RTN4RL1: variants seen among roughly 807,000 people sequenced by gnomAD.
The protein encoded by RTN4RL1 is reticulon 4 receptor like 1.
Under a neutral mutation model 25.6 loss-of-function variants are expected in RTN4RL1, and 7 were observed. That is an observed-to-expected ratio of 0.27 (90% CI 0.16 to 0.51). The LOEUF (loss-of-function observed/expected upper bound fraction) is 0.51, where lower values mean the gene tolerates loss of function less well. RTN4RL1 is among the 20% of genes least tolerant of loss of function. The probability of loss-of-function intolerance (pLI) is 0.97; values close to 1 mark genes in which losing one functional copy is unlikely to be tolerated. For missense variants in RTN4RL1, 500 were observed against 615.6 expected (o/e 0.81, Z 1.99); for synonymous variants, 297 against 288.2 (o/e 1.03, Z -0.31).
chr17:1,976,007 A>G lies in RTN4RL1; in HGVS notation c.14-38199T>C, dbSNP rs180830370. Among the ~76,000 whole-genome samples, 372 of 152,270 alleles carry G rather than the reference A, an allele frequency of 2.4e-3. 3 individuals carry two copies. Among genetic ancestry groups the G allele is most frequent in the African/African-American group, 8.6e-3 (358 of 41,548 alleles). On this transcript the variant is annotated intron_variant, in intron 1 of 1. Transcript: ENST00000331238. Reference sequence around the variant, plus strand: ...CAGGTCTTTAAGGCAATTTTCTTGAACTCTATTCAGCACTCACTCAAAATG... The same window carrying G: ...CAGGTCTTTAAGGCAATTTTCTTGAGCTCTATTCAGCACTCACTCAAAATG...
chr17:1,962,674 G>A (rs565912632), intron 1 of RTN4RL1, among the ~76,000 whole-genome samples: 3 of 151,954 alleles, frequency 2.0e-5, no homozygotes, highest in South Asian at 2.1e-4. Flanking sequence ...AGATCAGCCC[G>A]GCCAACATGG....
intron 1 of RTN4RL1, among the ~76,000 whole-genome samples, chr17:1,947,157 A>C (rs781525639): frequency 2.0e-5 from 3 of 148,128 alleles, no homozygotes; most frequent in Non-Finnish European, 4.4e-5. Context: ...CTGTGTATGC[A>C]CGGGGTCTGT....
At chr17:1,977,690 T>A (rs992440734) in intron 1 of RTN4RL1, among the ~76,000 whole-genome samples, 1 of 152,044 alleles carries the variant, frequency 6.6e-6, no homozygotes, top group Non-Finnish European at 1.5e-5. Flanking sequence ...GTCATCCGTC[T>A]CCAACTTCTG....
rs11652394 is a variant in RTN4RL1, at chr17:1,937,490, C to G, written c.332G>C (p.Arg111Pro). ...CTCGGGTGCCAGCGTCCGCAGCTGC[C>G]GGTTGTCGCCGAGGTCCAGCTCCTC... The part of the protein sequence containing the change: ...HLEELDLGDN[R>P]QLRTLAPETF... The change falls in exon 2 of 2, where the codon CGG becomes CCG. Residue 111 changes from arginine to proline, a missense_variant. Coordinates refer to ENST00000331238, the MANE Select transcript of RTN4RL1 (RefSeq NM_178568.4). 1 of 1,613,922 alleles carries G rather than the reference C, an allele frequency of 6.2e-7. No individual in the cohort carries two copies. Among genetic ancestry groups the G allele is most frequent in the Non-Finnish European group, 8.5e-7 (1 of 1,179,872 alleles).
intron 1 of RTN4RL1, among the ~76,000 whole-genome samples, chr17:1,982,083 TGAG>T (rs900288298): frequency 1.4e-5 from 2 of 142,880 alleles, no homozygotes; most frequent in Non-Finnish European, 3.1e-5. Context: ...GTGGATCACC[TGAG>T]GTCAGGAGTT....
intron 1 of RTN4RL1, among the ~76,000 whole-genome samples, chr17:1,940,150 T>C (rs532957353): frequency 1.6e-4 from 25 of 152,380 alleles, no homozygotes; most frequent in East Asian, 1.9e-4. Context: ...TTGGGAGTTA[T>C]GGGCTCCCAG....
intron 1 of RTN4RL1, among the ~76,000 whole-genome samples, chr17:1,963,250 A>C (rs2066774104): frequency 6.6e-6 from 1 of 152,212 alleles, no homozygotes; most frequent in Non-Finnish European, 1.5e-5. Context: ...CTCTGGGCGT[A>C]GAGCTGTCTG....
At position 1,935,240 on chromosome 17, in the gene RTN4RL1, C is replaced by T. The variant is rs1308608389; in HGVS notation, c.*1256G>A. 1.3e-5 allele frequency: 2 copies of T among 153,258 alleles called. No homozygotes were observed. The highest frequency in any genetic ancestry group is 2.4e-5 in the African/African-American group (1 of 41,446). The allele number at this position is 153,258 out of a possible 1,614,324, so 9.5% of individuals were successfully genotyped here. On this transcript the variant is annotated 3_prime_UTR_variant, in exon 2 of 2. Coordinates refer to ENST00000331238, the MANE Select transcript of RTN4RL1 (RefSeq NM_178568.4). ...GACTAACACTGTGGATGCTGCCTGG[C>T]CTGCTGGTTTCCAGATCCCAAAGCC...
Position 1,945,345 on chromosome 17 carries a change from C to CCTA in RTN4RL1, c.14-7538_14-7537insTAG, listed in dbSNP as rs57153021. On this transcript the variant is annotated intron_variant, in intron 1 of 1. Coordinates refer to ENST00000331238, the MANE Select transcript of RTN4RL1 (RefSeq NM_178568.4). ...TCAAGCGATTCTCTCGCCTCATCCTCCTGAGTAGTTGGGATTACAGGTGCC... is the reference window on the plus strand; with the variant it reads ...TCAAGCGATTCTCTCGCCTCATCCTCCTACTGAGTAGTTGGGATTACAGGTGCC... Among the ~76,000 whole-genome samples, 457 of 152,308 alleles carry CCTA rather than the reference C, an allele frequency of 3.0e-3. 5 individuals are homozygous for CCTA. Among genetic ancestry groups the CCTA allele is most frequent in the African/African-American group, 0.011 (438 of 41,560 alleles).
chr17:1,969,722 TTTGG>T (rs1334955083), intron 1 of RTN4RL1, among the ~76,000 whole-genome samples: 11 of 152,202 alleles, frequency 7.2e-5, no homozygotes, highest in Admixed American at 4.6e-4. Flanking sequence ...CCGGTTCTCA[TTTGG>T]TTGGTCATTT....
rs1033273116 is a variant in RTN4RL1, at chr17:1,936,313, C to A, written c.*183G>T. On this transcript the variant is annotated 3_prime_UTR_variant, in exon 2 of 2. Coordinates refer to ENST00000331238, the MANE Select transcript of RTN4RL1 (RefSeq NM_178568.4). Reference sequence around the variant, plus strand: ...GCTGAGAAGCGCCACCCCCTCCCGCCTAGGGCTGTACACTTTGGGTTTATA... The same window carrying A: ...GCTGAGAAGCGCCACCCCCTCCCGCATAGGGCTGTACACTTTGGGTTTATA... 9.2e-6 allele frequency: 13 copies of A among 1,408,918 alleles called. No individual in the cohort carries two copies. In the African/African-American group the frequency reaches 1.6e-4, roughly 18 times the overall value. The allele number at this position is 1,408,918 out of a possible 1,614,324, so 87.3% of individuals were successfully genotyped here.
intron 1 of RTN4RL1, among the ~76,000 whole-genome samples, chr17:1,982,456 CA>C (rs1210431030): frequency 1.3e-5 from 2 of 150,770 alleles, no homozygotes; most frequent in South Asian, 2.1e-4. Context: ...ACTATAAATA[CA>C]AAAAAAAATT....
intron 1 of RTN4RL1, among the ~76,000 whole-genome samples, chr17:1,987,092 C>G (rs1188364182): frequency 6.6e-6 from 1 of 152,174 alleles, no homozygotes; most frequent in Non-Finnish European, 1.5e-5. Context: ...AGCAAACCAC[C>G]TGTAGGCAGC....
chr17:1,944,514 G>T (rs1175184132), intron 1 of RTN4RL1, among the ~76,000 whole-genome samples: 1 of 152,126 alleles, frequency 6.6e-6, no homozygotes, highest in Non-Finnish European at 1.5e-5. Context: ...GGAGTGCAGT[G>T]GTGCGATCTC....
At chr17:1,987,597 C>T (rs2066892396) in intron 1 of RTN4RL1, among the ~76,000 whole-genome samples, 1 of 152,088 alleles carries the variant, frequency 6.6e-6, no homozygotes, top group Non-Finnish European at 1.5e-5. Context: ...AGAGTCTCAC[C>T]CTTCAGGTCC....
At chr17:1,988,244 G>A (rs1597228816) in intron 1 of RTN4RL1, among the ~76,000 whole-genome samples, 2 of 151,434 alleles carry the variant, frequency 1.3e-5, no homozygotes, top group Non-Finnish European at 2.9e-5. Context: ...GTGAAAACCC[G>A]TCTCTACTAA....
chr17:1,976,511 C>T (rs2066843360), intron 1 of RTN4RL1, among the ~76,000 whole-genome samples: 1 of 152,236 alleles, frequency 6.6e-6, no homozygotes, highest in Non-Finnish European at 1.5e-5. Context: ...ACGGGACCCA[C>T]ATCCTGGCCC....
intron 1 of RTN4RL1, among the ~76,000 whole-genome samples, chr17:1,950,161 G>C (rs189813865): frequency 1.1e-4 from 17 of 152,212 alleles, no homozygotes; most frequent in Non-Finnish European, 1.9e-4. Context: ...GGTGAGTTGG[G>C]GGGGAGCAAG....
rs1449887393 is a variant in RTN4RL1, at chr17:1,997,887, G to A, written c.13+26966C>T. Among the ~76,000 whole-genome samples, 8 of 152,354 alleles carry A rather than the reference G, an allele frequency of 5.3e-5. No individual in the cohort carries two copies. The East Asian group carries it at 1.4e-3, about 26-fold the overall frequency. On this transcript the variant is annotated intron_variant, in intron 1 of 1. Coordinates refer to ENST00000331238, the MANE Select transcript of RTN4RL1 (RefSeq NM_178568.4). The stretch of plus-strand genomic sequence containing the variant: ...CCAGCTGACGCCCTCTGAGAAGGGA[G>A]GTGACAAGGGCAGGCCGGCAGGGGC...
Sources: gnomAD v4.1 joint callset for allele counts (sites outside exome capture counted in the v4.1 genomes callset) on GRCh38, gnomAD v4.1.1 for gene constraint, MANE v1.5 for transcripts, NCBI Gene and HGNC (gene_info 2026-07-23, HGNC 2026-07-21) for gene names.